The following NOVA1 variants were observed in gnomAD, a reference collection of about 807,000 sequenced individuals.
The protein encoded by NOVA1 is NOVA alternative splicing regulator 1, also known as RNA-binding protein Nova-1.
A neutral mutation model predicts 38.0 loss-of-function variants in NOVA1; 7 were observed. That is an observed-to-expected ratio of 0.18 (90% CI 0.10 to 0.35). NOVA1 has a LOEUF of 0.35. Among genes scored for constraint, NOVA1 ranks in the 10% least tolerant of loss-of-function variants. The probability of loss-of-function intolerance (pLI) is 1.00; values close to 1 mark genes in which losing one functional copy is unlikely to be tolerated. For missense variants in NOVA1, 460 were observed against 616.0 expected (o/e 0.75, Z 2.68); for synonymous variants, 270 against 232.5 (o/e 1.16, Z -1.47).
intron 2 of NOVA1, among the ~76,000 whole-genome samples, chr14:26,545,514 G>A (rs1890734355): frequency 6.6e-6 from 1 of 152,020 alleles, no homozygotes. Flanking sequence ...AAGACATAAG[G>A]GTGAGCCAGA....
At chr14:26,578,757 C>T (rs984791547) in intron 2 of NOVA1, among the ~76,000 whole-genome samples, 3 of 152,054 alleles carry the variant, frequency 2.0e-5, no homozygotes, top group Admixed American at 2.0e-4. Flanking sequence ...AGAAGGAAAT[C>T]TGGGTTAATG....
At chr14:26,542,361 T>C (rs1188459550) in intron 2 of NOVA1, among the ~76,000 whole-genome samples, 1 of 151,918 alleles carries the variant, frequency 6.6e-6, no homozygotes, top group Non-Finnish European at 1.5e-5. Flanking sequence ...GGTTATCTAA[T>C]TTTTACTTAT....
chr14:26,493,661 A>G (rs1256306804), intron 2 of NOVA1, among the ~76,000 whole-genome samples: 1 of 152,136 alleles, frequency 6.6e-6, no homozygotes, highest in African/African-American at 2.4e-5. Context: ...GTCACTCACT[A>G]GCCTCTAATC....
chr14:26,469,307 T>C (rs1884403111), intron 4 of NOVA1, among the ~76,000 whole-genome samples: 1 of 152,162 alleles, frequency 6.6e-6, no homozygotes, highest in African/African-American at 2.4e-5. Flanking sequence ...TGTAAAGTAG[T>C]TTAAAGCAGA....
At chr14:26,543,013 T>C (rs1442191893) in intron 2 of NOVA1, among the ~76,000 whole-genome samples, 1 of 151,878 alleles carries the variant, frequency 6.6e-6, no homozygotes, top group Non-Finnish European at 1.5e-5. Flanking sequence ...AATAATCATA[T>C]ATTTCAAAAT....
intron 2 of NOVA1, among the ~76,000 whole-genome samples, chr14:26,555,960 T>C (rs1891455657): frequency 6.6e-6 from 1 of 152,142 alleles, no homozygotes; most frequent in Non-Finnish European, 1.5e-5. Context: ...AATATGTTCA[T>C]GTGCTATGTG....
rs370999922 is a variant in NOVA1 at position 26,577,288 on chromosome 14, G to T, written c.280+18122C>A. On this transcript the variant is annotated intron_variant, in intron 2 of 4. Transcript: ENST00000539517. ...TAAAAATAATTATGCTACTATAATG[G>T]ATATATCGATACTGATATTTCTTAA... Among the ~76,000 whole-genome samples the T allele has an allele frequency of 3.9e-5, 6 of 151,952 alleles. No individual in the cohort carries two copies. In the South Asian group the frequency reaches 1.0e-3, roughly 26 times the overall value.
chr14:26,544,287 C>G (rs554165447), intron 2 of NOVA1, among the ~76,000 whole-genome samples: 18 of 151,854 alleles, frequency 1.2e-4, no homozygotes, highest in African/African-American at 4.3e-4. Flanking sequence ...AAGTGTCAAC[C>G]GCATCAAGGA....
chr14:26,451,460 C>T (rs1348311020), intron 4 of NOVA1, among the ~76,000 whole-genome samples: 2 of 152,012 alleles, frequency 1.3e-5, no homozygotes, highest in African/African-American at 2.4e-5. Flanking sequence ...CTCCGCCTCC[C>T]GGGTTCAAGC....
At chr14:26,568,812 T>C (rs1288000519) in intron 2 of NOVA1, among the ~76,000 whole-genome samples, 1 of 152,186 alleles carries the variant, frequency 6.6e-6, no homozygotes, top group Non-Finnish European at 1.5e-5. Flanking sequence ...CCAGCTATGC[T>C]GTCATTGTAA....
chr14:26,573,158 G>C (rs1892598208), intron 2 of NOVA1, among the ~76,000 whole-genome samples: 1 of 152,024 alleles, frequency 6.6e-6, no homozygotes, highest in Non-Finnish European at 1.5e-5. Flanking sequence ...AGAGAAACTG[G>C]ATCATACAAT....
rs1894292465 is a variant in NOVA1, at chr14:26,597,624, G to T, written c.-188C>A. ...ATGTTGCTGGTTTGTTCTCACTGGG[G>T]AGGGGGCAGGGCTGAGGAGCAGCTG... On this transcript the variant is annotated 5_prime_UTR_variant, in exon 1 of 5. Coordinates refer to ENST00000539517, the MANE Select transcript of NOVA1 (RefSeq NM_002515.3). 3 of 1,218,718 alleles carry T rather than the reference G, an allele frequency of 2.5e-6. No individual in the cohort carries two copies. The highest frequency in any genetic ancestry group is 2.0e-6 in the Non-Finnish European group (2 of 981,614). The allele number at this position is 1,218,718 out of a possible 1,614,324, so 75.5% of individuals were successfully genotyped here.
chr14:26,536,080 G>C (rs556516000), intron 2 of NOVA1, among the ~76,000 whole-genome samples: 2 of 152,040 alleles, frequency 1.3e-5, no homozygotes, highest in African/African-American at 4.8e-5. Context: ...AACTGGAGAT[G>C]ATTATGTTAA....
chr14:26,567,617 T>C (rs964023801), intron 2 of NOVA1, among the ~76,000 whole-genome samples: 2 of 152,072 alleles, frequency 1.3e-5, no homozygotes, highest in African/African-American at 4.8e-5. Context: ...TTTAAATAGT[T>C]TGACAGTGGT....
At chr14:26,485,688 C>T (rs1197165070) in intron 2 of NOVA1, among the ~76,000 whole-genome samples, 1 of 151,978 alleles carries the variant, frequency 6.6e-6, no homozygotes, top group African/African-American at 2.4e-5. Context: ...TTTCAATTGT[C>T]ATCTATAATG....
intron 2 of NOVA1, among the ~76,000 whole-genome samples, chr14:26,512,455 T>C (rs887244786): frequency 5.3e-5 from 8 of 152,172 alleles, no homozygotes; most frequent in Non-Finnish European, 1.0e-4. Context: ...TACAGTTTTA[T>C]TAAAACACAA....
At chr14:26,484,083 T>G (rs1245209) in intron 2 of NOVA1, among the ~76,000 whole-genome samples, 145,519 of 152,170 alleles carry the variant, frequency 0.96, 69,913 homozygotes, top group East Asian at 1. Flanking sequence ...CAACAAAAAA[T>G]GAGTAAACTT....
intron 2 of NOVA1, among the ~76,000 whole-genome samples, chr14:26,567,778 G>A (rs913520080): frequency 2.0e-5 from 3 of 152,028 alleles, no homozygotes; most frequent in Non-Finnish European, 4.4e-5. Flanking sequence ...ATATGCTAAC[G>A]ATCTGATAAC....
At chr14:26,556,169 C>CA (rs895059279) in intron 2 of NOVA1, among the ~76,000 whole-genome samples, 4 of 151,686 alleles carry the variant, frequency 2.6e-5, no homozygotes, top group Non-Finnish European at 4.4e-5. Flanking sequence ...AAGATTTATA[C>CA]AAAAAAAGCA....
Sources: gnomAD v4.1 joint callset for allele counts (sites outside exome capture counted in the v4.1 genomes callset) on GRCh38, gnomAD v4.1.1 for gene constraint, MANE v1.5 for transcripts, NCBI Gene and HGNC (gene_info 2026-07-23, HGNC 2026-07-21) for gene names.